Variants in UVSSA observed in about 807,000 individuals in gnomAD.
UVSSA encodes the protein UV stimulated scaffold protein A.
UVSSA carries 72 observed loss-of-function variants against 73.9 expected under a neutral mutation model. The ratio of observed to expected loss-of-function variants is 0.97; its 90% confidence interval spans 0.81 to 1.19. The LOEUF is 1.19. UVSSA is among the 50% of genes most tolerant of loss of function. The pLI is 0.00. For missense variants in UVSSA, 1,150 were observed against 965.0 expected (o/e 1.19, Z -2.54); for synonymous variants, 454 against 391.3 (o/e 1.16, Z -1.89).
At chr4:1,358,751 C>T (rs568510548) in intron 7 of UVSSA, among the ~76,000 whole-genome samples, 2 of 152,242 alleles carry the variant, frequency 1.3e-5, no homozygotes, top group African/African-American at 2.4e-5. Context: ...CGTTAATTTT[C>T]AAATAAAATT....
intron 5 of UVSSA, 75 bp downstream of exon 5, chr4:1,353,488 C>G: frequency 7.0e-7 from 1 of 1,428,494 alleles, no homozygotes; most frequent in South Asian, 1.5e-5. Flanking sequence ...CACTGGCACC[C>G]GGCCCAGGAG....
At chr4:1,385,815 C>G in intron 13 of UVSSA, 53 bp from the exon 14 acceptor site, 2 of 1,598,492 alleles carry the variant, frequency 1.3e-6, no homozygotes. Flanking sequence ...CACTGGGAGC[C>G]CAGGCCCCTG....
At chr4:1,360,478 G>C (rs1716467617) in intron 7 of UVSSA, among the ~76,000 whole-genome samples, 1 of 152,206 alleles carries the variant, frequency 6.6e-6, no homozygotes, top group African/African-American at 2.4e-5. Flanking sequence ...GAGCCCGGGA[G>C]AAGCTGTGTA....
At chr4:1,385,563 G>C (rs1166647820) in intron 13 of UVSSA, 7 of 411,642 alleles carry the variant, frequency 1.7e-5, no homozygotes, top group Non-Finnish European at 2.7e-5. Flanking sequence ...CCTCATCCTG[G>C]AGTGCGGGAG....
intron 4 of UVSSA, among the ~76,000 whole-genome samples, chr4:1,352,401 A>T (rs1009218803): frequency 9.9e-5 from 15 of 152,224 alleles, no homozygotes; most frequent in African/African-American, 3.6e-4. Flanking sequence ...CTGGAAACGC[A>T]GGCCTCAGGG....
At chr4:1,375,696 A>T (rs1718681221) in intron 9 of UVSSA, among the ~76,000 whole-genome samples, 188 bp downstream of exon 9, 1 of 152,200 alleles carries the variant, frequency 6.6e-6, no homozygotes. Context: ...TGCCAGCATC[A>T]GCTGGAGCCC....
chr4:1,351,868 C>T (rs781012577), intron 4 of UVSSA, 33 bp downstream of exon 4: 1 of 1,607,642 alleles, frequency 6.2e-7, no homozygotes, highest in South Asian at 1.1e-5. Flanking sequence ...GGGGCCCACG[C>T]CTCTGAGGGT....
rs1203966630 is a variant in UVSSA, at chr4:1,355,248, G to A, written c.1176+3G>A. Reference sequence around the variant, plus strand: ...CTGAGGGAGGGGAAAGGCGCAGGGTGAGTGGGCAGGCGGCGAGCGGGAAGG... The same window carrying A: ...CTGAGGGAGGGGAAAGGCGCAGGGTAAGTGGGCAGGCGGCGAGCGGGAAGG... On this transcript the variant is annotated splice_donor_region_variant and intron_variant, in intron 7 of 13. Transcript: ENST00000389851. The A allele has an allele frequency of 6.2e-7, 1 of 1,609,462 alleles. No individual in the cohort carries two copies. The highest frequency in any genetic ancestry group is 2.2e-5 in the East Asian group (1 of 44,660).
intron 5 of UVSSA, 53 bp from the exon 6 acceptor site, chr4:1,354,682 T>C: frequency 2.0e-6 from 3 of 1,535,000 alleles, no homozygotes; most frequent in East Asian, 2.3e-5. Flanking sequence ...CTCCGGGGCC[T>C]GTGGGAGACG....
chr4:1,379,583 C>T (rs1375279089), intron 10 of UVSSA, among the ~76,000 whole-genome samples: 1 of 152,220 alleles, frequency 6.6e-6, no homozygotes, highest in Admixed American at 6.5e-5. Context: ...ACTCCTTCTC[C>T]TGGGTGTGCT....
At chr4:1,395,621 G>A (rs1191302628) in exon 14 of UVSSA, 3 of 1,598,750 alleles carry the variant, frequency 1.9e-6, no homozygotes, top group South Asian at 2.2e-5. Flanking sequence ...GTGCCCATGT[G>A]GAGTGCCCGC....
upstream of UVSSA, among the ~76,000 whole-genome samples, chr4:1,344,265 T>A (rs1360211511): frequency 6.6e-6 from 1 of 152,202 alleles, no homozygotes; most frequent in Non-Finnish European, 1.5e-5. Context: ...ATCTTCTAAT[T>A]CTTGGCTTGG....
At chr4:1,350,916 T>A (rs1274728594) in intron 3 of UVSSA, among the ~76,000 whole-genome samples, 1 of 152,198 alleles carries the variant, frequency 6.6e-6, no homozygotes, top group Non-Finnish European at 1.5e-5. Flanking sequence ...GTTGATGATG[T>A]TGTTTTTGAG....
At position 1,387,699 on chromosome 4, in the gene UVSSA, A is replaced by G. The variant is rs1366864542; in HGVS notation, c.*1738A>G. On this transcript the variant is annotated 3_prime_UTR_variant, in exon 14 of 14. Coordinates refer to ENST00000389851, the MANE Select transcript of UVSSA (RefSeq NM_020894.4). ...CCCAGCACCATTTGTTGAAAACATTATTTTTCCCCATTGAATTATCTTCGC... is the reference window on the plus strand; with the variant it reads ...CCCAGCACCATTTGTTGAAAACATTGTTTTTCCCCATTGAATTATCTTCGC... The G allele has an allele frequency of 6.6e-6, 1 of 152,138 alleles. No individual in the cohort carries two copies. The highest frequency in any genetic ancestry group is 2.4e-5 in the African/African-American group (1 of 41,410). The allele number at this position is 152,138 out of a possible 1,614,324, so 9.4% of individuals were successfully genotyped here. A position where few individuals can be genotyped will look rare whatever the true frequency, so the allele number is the denominator to read the frequency against.
chr4:1,370,975 C>G (rs75602231), intron 8 of UVSSA, among the ~76,000 whole-genome samples: 1 of 152,350 alleles, frequency 6.6e-6, no homozygotes, highest in African/African-American at 2.4e-5. Context: ...CCCCTGTGCC[C>G]GGCGGCCTTG....
In UVSSA at chr4:1,372,708, A is replaced by G. The variant is rs116776009; in HGVS notation, c.1289-2656A>G. ...AGGGCACTCACGTCCCGCATCTCAG[A>G]GCACTCATCTCCTGCTACTCAGCAC... is the stretch of plus-strand genomic sequence containing the variant. On this transcript the variant is annotated intron_variant, in intron 8 of 13. Transcript: ENST00000389851. Among the ~76,000 whole-genome samples the G allele has an allele frequency of 4.9e-4, 35 of 71,110 alleles. 2 individuals are homozygous for G. The highest frequency in any genetic ancestry group is 4.0e-3 in the African/African-American group (31 of 7,844). 46.7% of individuals were successfully genotyped at this position (71,110 alleles called of 152,430 possible).
intron 8 of UVSSA, chr4:1,375,138 G>C: frequency 1.6e-6 from 1 of 632,836 alleles, no homozygotes; most frequent in Non-Finnish European, 2.7e-6. Context: ...CACAAGGCGG[G>C]ACTGCCGGAC....
intron 10 of UVSSA, among the ~76,000 whole-genome samples, chr4:1,379,661 G>A (rs543805298): frequency 4.6e-5 from 7 of 152,336 alleles, no homozygotes; most frequent in African/African-American, 1.4e-4. Flanking sequence ...TGGCCTTCAA[G>A]GTCACGCCTC....
chr4:1,377,737 C>T (rs1371277941), intron 10 of UVSSA, among the ~76,000 whole-genome samples: 4 of 152,084 alleles, frequency 2.6e-5, no homozygotes. Context: ...GGCACCGGGG[C>T]CCTGCTGGGC....
Sources: allele counts gnomAD v4.1 joint callset (sites outside exome capture counted in the v4.1 genomes callset), GRCh38; gene constraint gnomAD v4.1.1; transcripts MANE v1.5; gene names NCBI Gene and HGNC (gene_info 2026-07-23, HGNC 2026-07-21).